Variants in MCM7 observed in about 807,000 individuals in gnomAD.
MCM7 encodes DNA replication licensing factor MCM7.
A neutral mutation model predicts 83.5 loss-of-function variants in MCM7; 95 were observed. The observed-to-expected ratio is 1.14, with a 90% CI of 0.96 to 1.35. The LOEUF (loss-of-function observed/expected upper bound fraction) is 1.35, where lower values mean the gene tolerates loss of function less well. Ranked by LOEUF, MCM7 falls within the 40% of genes most tolerant of loss-of-function variation. The probability of loss-of-function intolerance (pLI) is 0.00; values close to 1 mark genes in which losing one functional copy is unlikely to be tolerated. For missense variants in MCM7, 1,087 were observed against 957.4 expected, an observed-to-expected ratio of 1.14 and a Z score of -1.79; for synonymous variants, 461 against 352.7, an observed-to-expected ratio of 1.31 and a Z score of -3.44.
Position 100,097,323 on chromosome 7 carries a change from G to A in MCM7, c.1179C>T (p.Tyr393=), listed in dbSNP as rs771836464. 7.1e-5 allele frequency: 114 copies of A among 1,614,038 alleles called. No homozygotes were observed. The highest frequency in any genetic ancestry group is 8.9e-5 in the Non-Finnish European group (105 of 1,180,028). Residue 393 remains tyrosine (Y), a synonymous_variant, in exon 10 of 15, where the codon TAC becomes TAT. Coordinates refer to ENST00000303887, the MANE Select transcript of MCM7 (RefSeq NM_005916.5). ...PGVAKSQLLS[Y]IDRLAPRSQY... ...TACTGCGAGGCGCCAGTCGATCAAT[G>A]TATGACAGGAGCTGAGACTTGGCCA...
intron 1 of MCM7, 68 bp from the exon 2 acceptor site, chr7:100,100,161 T>C: frequency 1.3e-6 from 2 of 1,585,040 alleles, no homozygotes; most frequent in Non-Finnish European, 1.7e-6. Context: ...CATTTTCGCT[T>C]AAAACACGAC....
intron 7 of MCM7, 30 bp from the exon 8 acceptor site, chr7:100,097,978 G>T: frequency 6.2e-7 from 1 of 1,601,546 alleles, no homozygotes; most frequent in Non-Finnish European, 8.6e-7. Context: ...GGATACAGAT[G>T]TAATCCCTTC....
chr7:100,095,657 G>A (rs1795589681), intron 11 of MCM7, 117 bp downstream of exon 11: 5 of 1,403,060 alleles, frequency 3.6e-6, no homozygotes, highest in African/African-American at 1.4e-5. Context: ...AGCCCCTGCT[G>A]CAAAGGGGAG....
intron 1 of MCM7, 147 bp downstream of exon 1, chr7:100,101,117 T>A (rs894744467): frequency 1.0e-6 from 1 of 1,002,594 alleles, no homozygotes. Context: ...CCGTGGGCCT[T>A]AGCCAGGCCG....
At position 100,098,720 on chromosome 7, in the gene MCM7, G is replaced by C. The variant is rs1795774893; in HGVS notation, c.583-5C>G. 6.2e-7 allele frequency: 1 copy of C among 1,614,072 alleles called. No individual in the cohort carries two copies. Among genetic ancestry groups the C allele is most frequent in the East Asian group, 2.2e-5 (1 of 44,882 alleles). ...CATGAAAGTGGGAGACTGGATCTAGGATGTGAGAACAGAAACACCAAAGGA... is the reference window on the plus strand; with the variant it reads ...CATGAAAGTGGGAGACTGGATCTAGCATGTGAGAACAGAAACACCAAAGGA... On this transcript the variant is annotated splice_region_variant and splice_polypyrimidine_tract_variant and intron_variant, in intron 5 of 14. Transcript: ENST00000303887.
In MCM7 at chr7:100,098,180, G is replaced by C; in HGVS notation, c.831C>G (p.Phe277Leu). The C allele has an allele frequency of 6.2e-7, 1 of 1,614,152 alleles. No individual in the cohort carries two copies. The highest frequency in any genetic ancestry group is 1.3e-5 in the African/African-American group (1 of 75,036). Reference sequence around the variant, plus strand: ...GGAACCCAGTGCGCAGGATTGGCAAGAAAATACCAGTGACGCTGACGTGGT... The same window carrying C: ...GGAACCCAGTGCGCAGGATTGGCAACAAAATACCAGTGACGCTGACGTGGT... The part of the protein sequence containing the change: ...PGDHVSVTGI[F>L]LPILRTGFRQ... Residue 277 changes from phenylalanine to leucine, a missense_variant, in exon 7 of 15, where the codon TTC (phenylalanine) becomes TTG (leucine). Transcript: ENST00000303887.
rs200061657 is a variant in MCM7, at chr7:100,101,280, G to T, written c.15C>A (p.Asp5Glu). Residue 5 changes from aspartate (D) to glutamate (E), a missense_variant, in exon 1 of 15, where the codon GAC becomes GAA. Physicochemically the swap from Asp to Glu is conservative, Grantham distance 45. Coordinates refer to ENST00000303887, the MANE Select transcript of MCM7 (RefSeq NM_005916.5). ...GACCCGTACCCTTCTCTAGCGCGTA[G>T]TCCTTCAGTGCCATCGCTGCCGAGG... MALK[D>E]YALEKEKVKK... 6.2e-6 allele frequency: 10 copies of T among 1,613,296 alleles called. No individual in the cohort carries two copies. Among genetic ancestry groups the T allele is most frequent in the Non-Finnish European group, 8.5e-6 (10 of 1,179,910 alleles).
chr7:100,093,034 A>G lies in MCM7; in HGVS notation c.2058T>C (p.Ser686=), dbSNP rs778783118. ...RFSEAEQRCV[S]RGFTPAQFQA... Reference sequence around the variant, plus strand: ...GGAACTGGGCGGGTGTGAAGCCACGAGATACACAGCGCTGCTCTGCCTCAG... The same window carrying G: ...GGAACTGGGCGGGTGTGAAGCCACGGGATACACAGCGCTGCTCTGCCTCAG... The change falls in exon 15 of 15, where the codon TCT becomes TCC. Residue 686 remains serine, a synonymous_variant. Transcript: ENST00000303887. 1.2e-6 allele frequency: 2 copies of G among 1,614,212 alleles called. No individual in the cohort carries two copies. Among genetic ancestry groups the G allele is most frequent in the Non-Finnish European group, 1.7e-6 (2 of 1,180,028 alleles).
At chr7:100,100,999 C>T (rs919634124) in intron 1 of MCM7, 4 of 832,438 alleles carry the variant, frequency 4.8e-6, no homozygotes, top group African/African-American at 3.5e-5. Context: ...AGCCCCCAGC[C>T]GGGTTAGCGC....
chr7:100,095,783 T>C lies in MCM7; in HGVS notation c.1586A>G (p.Asn529Ser), dbSNP rs142740597. Residue 529 changes from asparagine (N) to serine (S), a missense_variant, in exon 11 of 15, where the codon AAT (asparagine) becomes AGT (serine). By Grantham distance (46) the Asn-to-Ser change is conservative. Coordinates refer to ENST00000303887, the MANE Select transcript of MCM7 (RefSeq NM_005916.5). ...WLIQDRPDRD[N>S]DLRLAQHITY... ...GTTGAGCTTCATTCACCGTAGGTCATTGTCTCGGTCGGGCCGGTCCTGAAT... is the reference window on the plus strand; with the variant it reads ...GTTGAGCTTCATTCACCGTAGGTCACTGTCTCGGTCGGGCCGGTCCTGAAT... 1.4e-5 allele frequency: 22 copies of C among 1,579,274 alleles called. No homozygotes were observed. The highest frequency in any genetic ancestry group is 1.7e-4 in the Middle Eastern group (1 of 5,882).
In MCM7 at chr7:100,095,420, GA is replaced by G; in HGVS notation, c.1645del (p.Ser549ProfsTer8). On this transcript the variant is annotated frameshift_variant, in exon 12 of 15. Coordinates refer to ENST00000303887, the MANE Select transcript of MCM7 (RefSeq NM_005916.5). LOFTEE classifies it high-confidence loss of function. ...CTTCATGTCCAGAGGTTCAAACTGGGAGGGGGGCTGCCGGCTGTGCTGGTGC... is the reference window on the plus strand; with the variant it reads ...CTTCATGTCCAGAGGTTCAAACTGGGGGGGGGCTGCCGGCTGTGCTGGTGC... Reference protein sequence around the residue: ...YVHQHSRQPPSQFEPLDMKLM... With the variant: ...YVHQHSRQPPXQFEPLDMKLM... 1 of 1,614,030 alleles carries G rather than the reference GA, an allele frequency of 6.2e-7. No homozygotes were observed. The highest frequency in any genetic ancestry group is 8.5e-7 in the Non-Finnish European group (1 of 1,180,002).
In MCM7 at chr7:100,095,894, T is replaced by C. The variant is rs374478251; in HGVS notation, c.1475A>G (p.Tyr492Cys). ...CSILAAANPA[Y>C]GRYNPRRSLE... The stretch of plus-strand genomic sequence containing the variant: ...GCTGCGGCGAGGGTTGTAGCGCCCG[T>C]AGGCAGGGTTGGCGGCAGCCAGGAT... The change falls in exon 11 of 15, where the codon TAC becomes TGC. Residue 492 changes from tyrosine (Y) to cysteine (C), a missense_variant. Transcript: ENST00000303887. The C allele has an allele frequency of 1.9e-6, 3 of 1,613,784 alleles. No individual in the cohort carries two copies. Among genetic ancestry groups the C allele is most frequent in the East Asian group, 2.2e-5 (1 of 44,890 alleles).
intron 1 of MCM7, 46 bp from the exon 2 acceptor site, chr7:100,100,139 A>G: frequency 6.2e-7 from 1 of 1,604,126 alleles, no homozygotes; most frequent in African/African-American, 1.3e-5. Context: ...TTTAAGACAA[A>G]TCTTAGATAC....
rs766413719 is a variant in MCM7, at chr7:100,099,100, G to A, written c.505C>T (p.Arg169Cys). The change falls in exon 5 of 15, where the codon CGT becomes TGT. Residue 169 changes from arginine (R) to cysteine (C), a missense_variant. Transcript: ENST00000303887. ...ATCTTGGGTTTGACTTCAGAGACAC[G>A]AGTGACGATTCCACGCACAGTTACC... ...KLVTVRGIVTRVSEVKPKMVV... is the reference protein window; with the variant it reads ...KLVTVRGIVTCVSEVKPKMVV... 19 of 1,613,958 alleles carry A rather than the reference G, an allele frequency of 1.2e-5. No individual in the cohort carries two copies. The highest frequency in any genetic ancestry group is 2.2e-5 in the East Asian group (1 of 44,892).
At chr7:100,100,650 C>T in intron 1 of MCM7, 1 of 990,228 alleles carries the variant, frequency 1.0e-6, no homozygotes, top group Non-Finnish European at 1.2e-6. Flanking sequence ...TCCCAGCCCA[C>T]TGCCGCCTTT....
Position 100,101,357 on chromosome 7 carries a change from A to C in MCM7, c.-63T>G. ...AGAGGTCTTGCTCCTGGGGAAGCTG[A>C]GAATCTCCGCGCGGTGGACTGTGGC... On this transcript the variant is annotated 5_prime_UTR_variant, in exon 1 of 15. Coordinates refer to ENST00000303887, the MANE Select transcript of MCM7 (RefSeq NM_005916.5). 6.2e-7 allele frequency: 1 copy of C among 1,606,626 alleles called. No homozygotes were observed. The highest frequency in any genetic ancestry group is 8.5e-7 in the Non-Finnish European group (1 of 1,176,352).
rs779842251 is a variant in MCM7 at position 100,095,464 on chromosome 7, G to A, written c.1602C>T (p.Ala534=). ...GCTGGTGCACATAGGTGATGTGCTG[G>A]GCCAACCTGGACAGAGGGAAGGTTA... ...RPDRDNDLRL[A]QHITYVHQHS... Residue 534 remains alanine, a synonymous_variant, in exon 12 of 15, where the codon GCC becomes GCT. Transcript: ENST00000303887. 6.2e-7 allele frequency: 1 copy of A among 1,614,038 alleles called. No homozygotes were observed. The highest frequency in any genetic ancestry group is 2.2e-5 in the East Asian group (1 of 44,870).
At chr7:100,100,502 C>G (rs1193552539) in intron 1 of MCM7, 11 of 1,003,616 alleles carry the variant, frequency 1.1e-5, no homozygotes, top group Non-Finnish European at 1.3e-5. Context: ...ACCCCACCCC[C>G]GCTCCCGCCA....
At chr7:100,101,234 G>A (rs1796006849) in intron 1 of MCM7, 30 bp downstream of exon 1, 4 of 1,612,738 alleles carry the variant, frequency 2.5e-6, no homozygotes, top group South Asian at 1.1e-5. Context: ...TCCCCGCGCA[G>A]GACGCCCTCC....
Sources: allele counts gnomAD v4.1 joint callset, GRCh38; gene constraint gnomAD v4.1.1; transcripts MANE v1.5; gene names NCBI Gene and HGNC (gene_info 2026-07-23, HGNC 2026-07-21).